Variants in RYK observed in about 807,000 individuals in gnomAD.
The protein encoded by RYK is receptor like tyrosine kinase.
Under a neutral mutation model 70.2 loss-of-function variants are expected in RYK, and 21 were observed. The observed-to-expected ratio is 0.30, with a 90% CI of 0.21 to 0.43. The LOEUF (loss-of-function observed/expected upper bound fraction) is 0.43. Among genes scored for constraint, RYK ranks in the 20% least tolerant of loss-of-function variants. RYK has a pLI of 1.00. For missense variants in RYK, 604 were observed against 753.3 expected, an observed-to-expected ratio of 0.80 and a Z score of 2.32; for synonymous variants, 267 against 278.0, an observed-to-expected ratio of 0.96 and a Z score of 0.39.
chr3:134,237,500 G>A (rs536153299), intron 1 of RYK, among the ~76,000 whole-genome samples: 92 of 152,046 alleles, frequency 6.1e-4, no homozygotes, highest in Non-Finnish European at 9.7e-4. Context: ...AAAGAAAATG[G>A]GTTTTAAAGA....
intron 13 of RYK, among the ~76,000 whole-genome samples, chr3:134,166,032 T>C (rs114290270): frequency 0.023 from 3,455 of 152,324 alleles, 128 homozygotes; most frequent in African/African-American, 0.078. Flanking sequence ...TGGGATGGAA[T>C]GAATGTATTT....
At chr3:134,204,613 A>ACACACACACACACACACACACG (rs2014147554) in intron 5 of RYK, among the ~76,000 whole-genome samples, 1 of 151,724 alleles carries the variant, frequency 6.6e-6, no homozygotes, top group Non-Finnish European at 1.5e-5. Context: ...ACACACACAC[A>ACACACACACACACACACACACG]CACACACACA....
chr3:134,212,897 G>T (rs1030506330), intron 2 of RYK, among the ~76,000 whole-genome samples: 1 of 152,146 alleles, frequency 6.6e-6, no homozygotes, highest in Admixed American at 6.5e-5. Context: ...CACTGTAGGG[G>T]TATGCAAACA....
At chr3:134,210,550 T>C (rs984449715) in intron 3 of RYK, among the ~76,000 whole-genome samples, 1 of 152,236 alleles carries the variant, frequency 6.6e-6, no homozygotes, top group Non-Finnish European at 1.5e-5. Flanking sequence ...TTAAGCTTAA[T>C]GTATGTCACT....
At chr3:134,161,161 G>T (rs1341474918) in intron 13 of RYK, among the ~76,000 whole-genome samples, 2 of 152,118 alleles carry the variant, frequency 1.3e-5, no homozygotes, top group African/African-American at 2.4e-5. Flanking sequence ...AATATATCGT[G>T]GGGTTTATAA....
intron 13 of RYK, among the ~76,000 whole-genome samples, chr3:134,169,703 C>T (rs977624297): frequency 6.6e-6 from 1 of 152,050 alleles, no homozygotes; most frequent in Non-Finnish European, 1.5e-5. Context: ...CTAAATAAAT[C>T]GTGTAGAATT....
chr3:134,209,625 A>G lies in RYK; in HGVS notation c.589+70T>C, dbSNP rs1426577712. 3 of 1,190,522 alleles carry G rather than the reference A, an allele frequency of 2.5e-6. No homozygotes were observed. In the East Asian group the frequency reaches 9.0e-5, roughly 36 times the overall value. 73.7% of individuals were successfully genotyped at this position (1,190,522 alleles called of 1,614,324 possible). Reference sequence around the variant, plus strand: ...AGTTGGACATACTTAAATCTGTGAAAAAACAACAAACTCTATTTTTCACCT... The same window carrying G: ...AGTTGGACATACTTAAATCTGTGAAGAAACAACAAACTCTATTTTTCACCT... On this transcript the variant is annotated intron_variant, in intron 4 of 14. Transcript: ENST00000623711.
chr3:134,203,347 T>C (rs2014091119), intron 5 of RYK, among the ~76,000 whole-genome samples: 1 of 152,174 alleles, frequency 6.6e-6, no homozygotes, highest in African/African-American at 2.4e-5. Flanking sequence ...CTATGGACTA[T>C]TCTTACCAAA....
chr3:134,169,711 ATTT>A (rs1310287925), intron 13 of RYK, among the ~76,000 whole-genome samples: 1 of 152,212 alleles, frequency 6.6e-6, no homozygotes, highest in Admixed American at 6.5e-5. Context: ...ATCGTGTAGA[ATTT>A]TTAATTATGA....
chr3:134,196,201 C>A (rs940001715), intron 6 of RYK, among the ~76,000 whole-genome samples: 4 of 152,074 alleles, frequency 2.6e-5, no homozygotes, highest in African/African-American at 9.7e-5. Context: ...GGGGAGAAAC[C>A]TTGTCTCGTG....
At chr3:134,177,496 C>T (rs762455381) in intron 11 of RYK, among the ~76,000 whole-genome samples, 3 of 152,156 alleles carry the variant, frequency 2.0e-5, no homozygotes, top group Non-Finnish European at 2.9e-5. Context: ...TAGATGACTG[C>T]CATCTTACAG....
chr3:134,234,114 C>T (rs964768519), intron 1 of RYK, among the ~76,000 whole-genome samples: 9 of 151,920 alleles, frequency 5.9e-5, no homozygotes, highest in African/African-American at 2.2e-4. Context: ...GAAAGTTAAG[C>T]TGGAAAAACA....
chr3:134,207,558 A>T, intron 4 of RYK, 33 bp from the exon 5 acceptor site: 1 of 1,422,368 alleles, frequency 7.0e-7, no homozygotes, highest in Non-Finnish European at 9.6e-7. Flanking sequence ...ATGCTTTAGA[A>T]ATTCTCTTTT....
chr3:134,168,270 G>A (rs1195718698), intron 13 of RYK, among the ~76,000 whole-genome samples: 2 of 152,080 alleles, frequency 1.3e-5, no homozygotes, highest in African/African-American at 4.8e-5. Context: ...CCCATTACTG[G>A]GTATCTACCC....
rs1390088993 is a variant in RYK, at chr3:134,189,344, G to C, written c.1016-421C>G. Among the ~76,000 whole-genome samples the C allele has an allele frequency of 2.0e-5, 3 of 152,252 alleles. No individual in the cohort carries two copies. The East Asian group carries it at 5.8e-4, about 29-fold the overall frequency. On this transcript the variant is annotated intron_variant, in intron 8 of 14. Coordinates refer to ENST00000623711, the MANE Select transcript of RYK (RefSeq NM_002958.4). The stretch of plus-strand genomic sequence containing the variant: ...AAAAAGTAGCTTCAAGGGAAGGCCA[G>C]GGAGTACAAGTTTTGGATCCAGACA...
chr3:134,227,149 G>C (rs897694729), intron 1 of RYK, among the ~76,000 whole-genome samples: 1 of 151,998 alleles, frequency 6.6e-6, no homozygotes, highest in Non-Finnish European at 1.5e-5. Context: ...GCAACAACTA[G>C]AAAATAAAAC....
At chr3:134,216,213 G>A (rs911519829) in intron 2 of RYK, among the ~76,000 whole-genome samples, 2 of 152,074 alleles carry the variant, frequency 1.3e-5, no homozygotes, top group Non-Finnish European at 2.9e-5. Context: ...TTTCCTTCTG[G>A]AACACAGAGA....
chr3:134,238,064 AAC>A (rs979408897), intron 1 of RYK, among the ~76,000 whole-genome samples: 13 of 152,222 alleles, frequency 8.5e-5, no homozygotes, highest in Non-Finnish European at 1.8e-4. Context: ...TCGATAAAAT[AAC>A]AGTTTGTTCA....
intron 5 of RYK, among the ~76,000 whole-genome samples, chr3:134,206,578 G>A (rs2014218485): frequency 6.6e-6 from 1 of 152,124 alleles, no homozygotes; most frequent in Non-Finnish European, 1.5e-5. Flanking sequence ...GAGATACTAA[G>A]CAACTGCTGT....
Sources: allele counts gnomAD v4.1 joint callset (sites outside exome capture counted in the v4.1 genomes callset), GRCh38; gene constraint gnomAD v4.1.1; transcripts MANE v1.5; gene names NCBI Gene and HGNC (gene_info 2026-07-23, HGNC 2026-07-21).